The following ZNF69 variants were observed in gnomAD, a reference collection of about 807,000 sequenced individuals.
ZNF69 encodes ZNF3.
ZNF69 carries 47 observed loss-of-function variants against 50.9 expected under a neutral mutation model. The observed-to-expected ratio is 0.92, with a 90% CI of 0.73 to 1.18. The LOEUF (loss-of-function observed/expected upper bound fraction) is 1.18. Among genes scored for constraint, ZNF69 ranks in the 50% most tolerant of loss-of-function variants. The pLI is 0.00. For missense variants in ZNF69, 717 were observed against 675.1 expected (o/e 1.06, Z -0.69); for synonymous variants, 216 against 223.1 (o/e 0.97, Z 0.29).
chr19:11,930,282 A>C, the ZNF69 span, among the ~76,000 whole-genome samples: 1 of 148,528 alleles, frequency 6.7e-6, no homozygotes, highest in South Asian at 2.1e-4. Context: ...GGATTGTCTC[A>C]ACTGTGAAGA....
At chr19:11,939,390 A>G in the ZNF69 span, among the ~76,000 whole-genome samples, 1 of 152,108 alleles carries the variant, frequency 6.6e-6, no homozygotes, top group Non-Finnish European at 1.5e-5. Flanking sequence ...TCCATCTTGA[A>G]TTAATTTTTG....
chr19:11,949,749 T>C, the ZNF69 span: 2 of 1,613,724 alleles, frequency 1.2e-6, no homozygotes, highest in African/African-American at 2.7e-5. Context: ...CCTTCAGATC[T>C]GCCTCACACC....
At chr19:11,965,848 A>G in the ZNF69 span, among the ~76,000 whole-genome samples, 1 of 152,180 alleles carries the variant, frequency 6.6e-6, no homozygotes, top group Non-Finnish European at 1.5e-5. Context: ...AGAGACAGGA[A>G]TTGCAGGGAA....
chr19:11,904,814 A>G lies in ZNF69; in HGVS notation c.417A>G (p.Ser139=). The G allele has an allele frequency of 6.2e-7, 1 of 1,613,954 alleles. No individual in the cohort carries two copies. The highest frequency in any genetic ancestry group is 8.5e-7 in the Non-Finnish European group (1 of 1,179,862). The change falls in exon 4 of 4, where the codon TCA becomes TCG. Residue 139 remains serine (S), a synonymous_variant. Coordinates refer to ENST00000429654, the MANE Select transcript of ZNF69 (RefSeq NM_001364730.1). Reference sequence around the variant, plus strand: ...GTGGAGAAGTTGGCCTAGGTAACTCATCTTTTAATATGAACATCAGAGGTG... The same window carrying G: ...GTGGAGAAGTTGGCCTAGGTAACTCGTCTTTTAATATGAACATCAGAGGTG... ...FVCGEVGLGN[S]SFNMNIRGDI...
At chr19:11,894,491 A>G (rs1327803907) in intron 1 of ZNF69, among the ~76,000 whole-genome samples, 1 of 152,208 alleles carries the variant, frequency 6.6e-6, no homozygotes, top group Admixed American at 6.5e-5. Context: ...CCCCTTTGGA[A>G]ACTTCAAAGG....
chr19:11,959,769 A>G, the ZNF69 span, among the ~76,000 whole-genome samples: 1 of 152,336 alleles, frequency 6.6e-6, no homozygotes, highest in Admixed American at 6.5e-5. Context: ...CAAATTTACT[A>G]TGAAATGTCG....
the ZNF69 span, among the ~76,000 whole-genome samples, chr19:11,938,082 G>C: frequency 6.6e-6 from 1 of 151,104 alleles, no homozygotes; most frequent in African/African-American, 2.4e-5. Context: ...TTTTTTGTTC[G>C]TTTGGAGACG....
chr19:11,904,875 G>A lies in ZNF69; in HGVS notation c.478G>A (p.Gly160Arg), dbSNP rs376735585. ...CAAGGCCTATGAGTATCAGGAATAT[G>A]GACCGAAGCCATGTAAGTGTCAACA... The part of the protein sequence containing the change: ...GHKAYEYQEY[G>R]PKPCKCQQPK... Residue 160 changes from glycine to arginine, a missense_variant, in exon 4 of 4, where the codon GGA becomes AGA. Physicochemically the swap from Gly to Arg is moderately radical, Grantham distance 125. Coordinates refer to ENST00000429654, the MANE Select transcript of ZNF69 (RefSeq NM_001364730.1). 3.7e-6 allele frequency: 6 copies of A among 1,614,144 alleles called. 1 individual carries two copies. The South Asian group carries it at 6.6e-5, about 18-fold the overall frequency.
chr19:11,900,927 AC>A (rs1405003358), intron 1 of ZNF69, among the ~76,000 whole-genome samples: 2 of 152,204 alleles, frequency 1.3e-5, no homozygotes, highest in African/African-American at 4.8e-5. Context: ...TCTCAGTGTT[AC>A]GTTCTAGAAA....
chr19:11,940,859 T>C, the ZNF69 span, among the ~76,000 whole-genome samples: 1 of 152,068 alleles, frequency 6.6e-6, no homozygotes, highest in Admixed American at 6.5e-5. Context: ...ATACAGAGTG[T>C]TGACATAAAG....
At chr19:11,927,465 G>A in the ZNF69 span, among the ~76,000 whole-genome samples, 2 of 136,646 alleles carry the variant, frequency 1.5e-5, no homozygotes, top group African/African-American at 2.7e-5. Context: ...TAAATAAATA[G>A]AAAAGGAAAA....
chr19:11,949,438 A>G, the ZNF69 span: 1 of 1,613,270 alleles, frequency 6.2e-7, no homozygotes, highest in East Asian at 2.2e-5. Context: ...TACTGGAGAG[A>G]AACCCTATGA....
downstream of ZNF69, among the ~76,000 whole-genome samples, chr19:11,918,188 A>T (rs535234136): frequency 1.3e-5 from 2 of 152,240 alleles, no homozygotes; most frequent in Non-Finnish European, 2.9e-5. Flanking sequence ...GTTGTAGATT[A>T]TGGGTAAATT....
the ZNF69 span, among the ~76,000 whole-genome samples, chr19:11,922,414 G>C: frequency 6.6e-6 from 1 of 152,116 alleles, no homozygotes; most frequent in African/African-American, 2.4e-5. Flanking sequence ...GAGCCAGTGC[G>C]TACCTAAAAT....
At chr19:11,971,001 C>A in the ZNF69 span, among the ~76,000 whole-genome samples, 4 of 152,098 alleles carry the variant, frequency 2.6e-5, no homozygotes, top group Non-Finnish European at 5.9e-5. Flanking sequence ...ATTGGTCTGT[C>A]CTTCCATCTC....
chr19:11,935,897 C>T, the ZNF69 span, among the ~76,000 whole-genome samples: 1 of 152,190 alleles, frequency 6.6e-6, no homozygotes, highest in East Asian at 1.9e-4. Context: ...GTGATGTTCC[C>T]TGCCCTGTGT....
At chr19:11,936,614 A>G in the ZNF69 span, among the ~76,000 whole-genome samples, 1 of 152,170 alleles carries the variant, frequency 6.6e-6, no homozygotes, top group Non-Finnish European at 1.5e-5. Context: ...GTAGATTGCA[A>G]AAATTTTCTC....
downstream of ZNF69, among the ~76,000 whole-genome samples, chr19:11,918,336 C>G (rs1349616417): frequency 1.3e-5 from 2 of 152,170 alleles, no homozygotes; most frequent in Non-Finnish European, 2.9e-5. Context: ...CCCATTTACT[C>G]TTAAACAGAA....
the ZNF69 span, among the ~76,000 whole-genome samples, chr19:11,919,888 T>C: frequency 6.6e-6 from 1 of 152,142 alleles, no homozygotes. Context: ...CCATGGTATT[T>C]TGTTATACCA....
Sources: allele counts gnomAD v4.1 joint callset (sites outside exome capture counted in the v4.1 genomes callset), GRCh38; gene constraint gnomAD v4.1.1; transcripts MANE v1.5; gene names NCBI Gene and HGNC (gene_info 2026-07-23, HGNC 2026-07-21).